RHPN2: variants seen among roughly 807,000 people sequenced by gnomAD.
RHPN2 encodes the protein rhophilin Rho GTPase binding protein 2.
RHPN2 carries 40 observed loss-of-function variants against 79.0 expected under a neutral mutation model. The ratio of observed to expected loss-of-function variants is 0.51; its 90% confidence interval spans 0.39 to 0.66. The LOEUF is 0.66. Among genes scored for constraint, RHPN2 ranks in the 30% least tolerant of loss-of-function variants. RHPN2 has a pLI of 0.00. For synonymous variants in RHPN2, 285 were observed against 363.5 expected, an observed-to-expected ratio of 0.78 and a Z score of 2.46; for missense variants, 686 against 883.5, an observed-to-expected ratio of 0.78 and a Z score of 2.83.
At chr19:33,061,369 C>T (rs2145276449) in intron 1 of RHPN2, among the ~76,000 whole-genome samples, 1 of 151,812 alleles carries the variant, frequency 6.6e-6, no homozygotes, top group African/African-American at 2.4e-5. Flanking sequence ...CCACGCCCGG[C>T]TAATTTTTTG....
At chr19:33,051,563 T>G (rs1303239641) in intron 1 of RHPN2, 2 of 166,006 alleles carry the variant, frequency 1.2e-5, no homozygotes, top group African/African-American at 4.8e-5. Flanking sequence ...CTTAAGCTCA[T>G]AAAACAGCTA....
chr19:33,063,833 G>GCCGCCCGCCGCCAGCCC (rs1337589898), intron 1 of RHPN2, among the ~76,000 whole-genome samples: 3 of 69,396 alleles, frequency 4.3e-5, no homozygotes, highest in African/African-American at 1.2e-4. Flanking sequence ...CCCGCCGCCC[G>GCCGCCCGCCGCCAGCCC]CCGCCAGCCC....
At chr19:32,995,985 A>C (rs757781267) in intron 11 of RHPN2, 41 bp downstream of exon 11, 42 of 1,608,508 alleles carry the variant, frequency 2.6e-5, no homozygotes, top group Non-Finnish European at 3.5e-5. Flanking sequence ...TTTCCGCGGC[A>C]CAGGCACCCC....
rs372849669 is a variant in RHPN2, at chr19:33,017,964, G to A, written c.390+3607C>T. The stretch of plus-strand genomic sequence containing the variant: ...AGGTCAGGAGTTCAAGATCAGCCTG[G>A]CCAGGATGGTGAAACCCCGTCTCTA... On this transcript the variant is annotated intron_variant, in intron 4 of 14. Transcript: ENST00000254260. 1.3e-3 allele frequency among the ~76,000 whole-genome samples: 195 copies of A among 152,136 alleles called. 1 individual carries two copies. Among genetic ancestry groups the A allele is most frequent in the African/African-American group, 4.4e-3 (181 of 41,538 alleles).
intron 14 of RHPN2, among the ~76,000 whole-genome samples, chr19:32,989,130 G>A (rs1323826790): frequency 1.3e-5 from 2 of 152,154 alleles, no homozygotes; most frequent in Non-Finnish European, 2.9e-5. Flanking sequence ...TTTTTTTGCA[G>A]ACAGAGTCTC....
chr19:33,003,075 G>C (rs773478493), intron 7 of RHPN2, 75 bp from the exon 8 acceptor site: 9 of 1,374,716 alleles, frequency 6.5e-6, no homozygotes, highest in Non-Finnish European at 9.1e-6. Context: ...AGAAAGATAG[G>C]AGGCCGAGTG....
rs35377340 is a variant in RHPN2 at position 33,061,225 on chromosome 19, C to CTTT, written c.69+3556_69+3558dup. ...TTTCACCTGGACAGCACCTGCCTTT[C>CTTT]TTTTTTTTTTTTTTTTTTTTTGAGA... is the stretch of plus-strand genomic sequence containing the variant. On this transcript the variant is annotated intron_variant, in intron 1 of 14. Coordinates refer to ENST00000254260, the MANE Select transcript of RHPN2 (RefSeq NM_033103.5). Among the ~76,000 whole-genome samples the CTTT allele has an allele frequency of 2.6e-3, 314 of 120,576 alleles. 5 individuals are homozygous for CTTT. Among genetic ancestry groups the CTTT allele is most frequent in the African/African-American group, 0.011 (294 of 27,916 alleles). 79.1% of individuals were successfully genotyped at this position (120,576 alleles called of 152,430 possible).
chr19:33,021,555 T>C lies in RHPN2; in HGVS notation c.390+16A>G, dbSNP rs373555960. On this transcript the variant is annotated intron_variant, in intron 4 of 14. Transcript: ENST00000254260. ...TTTTAAACACTGAGTCTGGTGCCCA[T>C]GGCTTTGAGATTTACCTTGAGGACG... 9.3e-6 allele frequency: 15 copies of C among 1,607,740 alleles called. No homozygotes were observed. The highest frequency in any genetic ancestry group is 1.1e-5 in the Non-Finnish European group (13 of 1,174,436).
intron 2 of RHPN2, among the ~76,000 whole-genome samples, chr19:33,033,911 G>C (rs184844517): frequency 9.3e-4 from 141 of 151,882 alleles, no homozygotes; most frequent in African/African-American, 3.3e-3. Flanking sequence ...TAAAAACTGA[G>C]ACCCTAAGAA....
intron 1 of RHPN2, among the ~76,000 whole-genome samples, chr19:33,060,313 T>C (rs1044781083): frequency 3.3e-5 from 5 of 152,062 alleles, no homozygotes; most frequent in Non-Finnish European, 5.9e-5. Flanking sequence ...ACCTGGCTAA[T>C]AGGCAGGCAT....
chr19:33,011,626 A>G, intron 6 of RHPN2, 53 bp downstream of exon 6: 1 of 1,613,680 alleles, frequency 6.2e-7, no homozygotes. Flanking sequence ...TGAGGCTCCA[A>G]AATTGTGGCT....
chr19:33,035,373 A>G (rs770568920), intron 2 of RHPN2, among the ~76,000 whole-genome samples: 5 of 152,164 alleles, frequency 3.3e-5, no homozygotes, highest in Admixed American at 6.5e-5. Flanking sequence ...AAGTGCTGGG[A>G]TTACAGGCTT....
chr19:32,990,163 AAG>A (rs1971645232), intron 14 of RHPN2, among the ~76,000 whole-genome samples: 1 of 151,138 alleles, frequency 6.6e-6, no homozygotes, highest in Non-Finnish European at 1.5e-5. Flanking sequence ...GAAAGAAAGA[AAG>A]AGCGAGCCAG....
chr19:33,031,496 C>T (rs1972011522), intron 2 of RHPN2, among the ~76,000 whole-genome samples: 1 of 152,010 alleles, frequency 6.6e-6, no homozygotes, highest in Non-Finnish European at 1.5e-5. Flanking sequence ...CCGCCTGCCT[C>T]AGGCTTCCAA....
intron 13 of RHPN2, 28 bp downstream of exon 13, chr19:32,991,795 C>A: frequency 2.5e-6 from 4 of 1,613,866 alleles, no homozygotes; most frequent in Non-Finnish European, 3.4e-6. Flanking sequence ...TCTGTGTTTG[C>A]TGCCAATCAA....
chr19:32,993,670 C>A (rs1339470903), intron 12 of RHPN2, among the ~76,000 whole-genome samples: 1 of 151,880 alleles, frequency 6.6e-6, no homozygotes, highest in African/African-American at 2.4e-5. Flanking sequence ...TGGGGTGGAA[C>A]CCTCAAGAAT....
intron 2 of RHPN2, among the ~76,000 whole-genome samples, chr19:33,033,687 G>A: frequency 6.6e-6 from 1 of 151,892 alleles, no homozygotes; most frequent in East Asian, 1.9e-4. Flanking sequence ...TGACCAACGT[G>A]GAGAAATCTC....
At chr19:33,057,934 C>T (rs1188980470) in intron 1 of RHPN2, among the ~76,000 whole-genome samples, 1 of 151,864 alleles carries the variant, frequency 6.6e-6, no homozygotes, top group Non-Finnish European at 1.5e-5. Flanking sequence ...CCAAGGCGGG[C>T]AAATCACTTG....
intron 14 of RHPN2, among the ~76,000 whole-genome samples, chr19:32,985,643 T>C (rs1971608412): frequency 1.3e-5 from 2 of 152,150 alleles, no homozygotes; most frequent in Non-Finnish European, 1.5e-5. Context: ...ACAAACCTTC[T>C]TTTTTCTAGA....
Sources: gnomAD v4.1 joint callset for allele counts (sites outside exome capture counted in the v4.1 genomes callset) on GRCh38, gnomAD v4.1.1 for gene constraint, MANE v1.5 for transcripts, NCBI Gene and HGNC (gene_info 2026-07-23, HGNC 2026-07-21) for gene names.